CELF2: variants seen among roughly 807,000 people sequenced by gnomAD.
CELF2 encodes CUG triplet repeat RNA-binding protein 2.
A neutral mutation model predicts 62.6 loss-of-function variants in CELF2; 8 were observed. The observed-to-expected ratio is 0.13, with a 90% CI of 0.07 to 0.23. The LOEUF is 0.23. Among genes scored for constraint, CELF2 ranks in the 10% least tolerant of loss-of-function variants. The pLI is 1.00. For missense variants in CELF2, 333 were observed against 671.0 expected (o/e 0.50, Z 5.56); for synonymous variants, 258 against 250.0 (o/e 1.03, Z -0.30).
chr10:11,292,629 C>T (rs2092673002), intron 9 of CELF2, among the ~76,000 whole-genome samples: 1 of 152,174 alleles, frequency 6.6e-6, no homozygotes, highest in Non-Finnish European at 1.5e-5. Flanking sequence ...GGCAGTATCA[C>T]CAGATGGGAA....
At chr10:11,257,329 C>A (rs1406399931) in intron 4 of CELF2, among the ~76,000 whole-genome samples, 1 of 92,256 alleles carries the variant, frequency 1.1e-5, no homozygotes, top group Non-Finnish European at 2.1e-5. Context: ...GGTTAAAAGA[C>A]CATCTACAAA....
At chr10:10,613,180 A>G in the CELF2 span, among the ~76,000 whole-genome samples, 1 of 152,172 alleles carries the variant, frequency 6.6e-6, no homozygotes, top group Non-Finnish European at 1.5e-5. Flanking sequence ...AAATCATGAA[A>G]TAAATGTCAA....
the CELF2 span, among the ~76,000 whole-genome samples, chr10:10,699,641 A>G: frequency 6.6e-6 from 1 of 152,182 alleles, no homozygotes; most frequent in Non-Finnish European, 1.5e-5. Flanking sequence ...TCGCAGACAG[A>G]GGGGGATGCC....
Position 10,947,456 on chromosome 10 carries a change from G to A in CELF2, c.89+27457G>A, listed in dbSNP as rs908134344. The A allele has an allele frequency of 1.7e-4, 26 of 152,794 alleles. No individual in the cohort carries two copies. Among genetic ancestry groups the A allele is most frequent in the African/African-American group, 6.3e-4 (26 of 41,588 alleles). The allele number at this position is 152,794 out of a possible 1,614,324, so 9.5% of individuals were successfully genotyped here. A position where few individuals can be genotyped will look rare whatever the true frequency, so the allele number is the denominator to read the frequency against. ...TTGCCAAGTAATTACCTTGATTTAT[G>A]AAGGCAGGAATAGAAGGTAGCATGA... is the stretch of plus-strand genomic sequence containing the variant. On this transcript the variant is annotated intron_variant, in intron 2 of 13. Coordinates refer to the CELF2 transcript ENST00000636488. This position sits in a 1 kb window ranked among gnomAD's most constrained non-coding sequence, Gnocchi z 4.1.
chr10:11,114,666 T>G (rs75058549), intron 1 of CELF2, among the ~76,000 whole-genome samples: 107 of 152,354 alleles, frequency 7.0e-4, no homozygotes, highest in Admixed American at 1.1e-3. Context: ...TAATAAGTGA[T>G]TGTTGAGTGG....
intron 2 of CELF2, among the ~76,000 whole-genome samples, chr10:10,966,256 C>G (rs1028997949): frequency 6.6e-6 from 1 of 152,230 alleles, no homozygotes; most frequent in African/African-American, 2.4e-5. Flanking sequence ...CCCCTTTGCC[C>G]TCTCCCTTTG....
chr10:11,227,620 G>T lies in CELF2; in HGVS notation c.354+10113G>T, dbSNP rs1333937506. On this transcript the variant is annotated intron_variant, in intron 3 of 12. Coordinates refer to ENST00000633077, the MANE Select transcript of CELF2 (RefSeq NM_001326342.2). This position sits in a 1 kb window ranked among gnomAD's most constrained non-coding sequence, Gnocchi z 4.8. Reference sequence around the variant, plus strand: ...TTTGCTGTTATCTGCTGTTAGATTCGGCCGGAATCTAAGGGATAGAGATGT... The same window carrying T: ...TTTGCTGTTATCTGCTGTTAGATTCTGCCGGAATCTAAGGGATAGAGATGT... Among the ~76,000 whole-genome samples the T allele has an allele frequency of 6.6e-6, 1 of 152,122 alleles. No individual in the cohort carries two copies. The highest frequency in any genetic ancestry group is 2.4e-5 in the African/African-American group (1 of 41,408).
intron 1 of CELF2, among the ~76,000 whole-genome samples, chr10:11,109,007 G>T (rs1278275540): frequency 6.6e-6 from 1 of 152,208 alleles, no homozygotes; most frequent in Non-Finnish European, 1.5e-5. Context: ...ATCTGTCAGT[G>T]TGTACTCCTG....
chr10:11,049,450 GGGAGAGGTCAA>G (rs1278382044), intron 1 of CELF2, among the ~76,000 whole-genome samples: 1 of 146,348 alleles, frequency 6.8e-6, no homozygotes, highest in Non-Finnish European at 1.5e-5. Context: ...AAATAGATGG[GGGAGAGGTCAA>G]GGACGTAGTC....
chr10:11,308,412 A>G (rs1390147768), intron 9 of CELF2, among the ~76,000 whole-genome samples: 1 of 152,110 alleles, frequency 6.6e-6, no homozygotes, highest in Non-Finnish European at 1.5e-5. Context: ...GGTGTACCAT[A>G]TTTCTGTGAG....
At chr10:10,554,950 G>A in the CELF2 span, among the ~76,000 whole-genome samples, 68 of 152,266 alleles carry the variant, frequency 4.5e-4, 1 homozygote, top group African/African-American at 1.5e-3. Flanking sequence ...CTAGAAAGCA[G>A]AGTGTATGTA....
At chr10:11,024,430 G>A (rs1310237978) in intron 1 of CELF2, among the ~76,000 whole-genome samples, 3 of 152,134 alleles carry the variant, frequency 2.0e-5, no homozygotes, top group Non-Finnish European at 2.9e-5. Context: ...GCAAAACCCT[G>A]TGTCTACTAA....
intron 3 of CELF2, among the ~76,000 whole-genome samples, chr10:11,238,234 T>G (rs920263940): frequency 6.6e-6 from 1 of 152,224 alleles, no homozygotes; most frequent in Non-Finnish European, 1.5e-5. Flanking sequence ...TAATTTGAGC[T>G]CATTAATCAG....
intron 1 of CELF2, among the ~76,000 whole-genome samples, chr10:11,142,814 C>T (rs959153209): frequency 1.8e-4 from 28 of 151,932 alleles, no homozygotes; most frequent in Non-Finnish European, 3.5e-4. Flanking sequence ...GAAGGTAAGT[C>T]GTAAGGCCAG....
the CELF2 span, among the ~76,000 whole-genome samples, chr10:10,598,858 A>T: frequency 7.1e-4 from 104 of 145,694 alleles, no homozygotes; most frequent in African/African-American, 2.6e-3. Flanking sequence ...GGTTAAAGCA[A>T]TTCTCTGCCT....
intron 1 of CELF2, among the ~76,000 whole-genome samples, chr10:10,883,507 T>C (rs192392891): frequency 3.3e-5 from 5 of 152,182 alleles, no homozygotes; most frequent in African/African-American, 1.2e-4. Flanking sequence ...ATTTTTTCGC[T>C]GTGTGATCCC....
At chr10:10,782,819 C>T in the CELF2 span, among the ~76,000 whole-genome samples, 1 of 152,154 alleles carries the variant, frequency 6.6e-6, no homozygotes, top group Non-Finnish European at 1.5e-5. Context: ...CATCGTGCCC[C>T]CTGGTCTGTG....
At position 11,188,014 on chromosome 10, in the gene CELF2, G is replaced by A. The variant is rs540060199; in HGVS notation, c.271+22332G>A. 7.2e-5 allele frequency among the ~76,000 whole-genome samples: 11 copies of A among 152,038 alleles called. No homozygotes were observed. The South Asian group carries it at 1.7e-3, about 23-fold the overall frequency. On this transcript the variant is annotated intron_variant, in intron 2 of 12. Transcript: ENST00000633077. Reference sequence around the variant, plus strand: ...AAGGACTTCTTTTAATATTTCTTGGGCAGCCAATCATCTGGTGGTAAATCC... The same window carrying A: ...AAGGACTTCTTTTAATATTTCTTGGACAGCCAATCATCTGGTGGTAAATCC...
chr10:10,910,001 G>T (rs1038877602), intron 1 of CELF2, among the ~76,000 whole-genome samples: 3 of 152,158 alleles, frequency 2.0e-5, no homozygotes, highest in Admixed American at 6.5e-5. Flanking sequence ...GATGGATTAG[G>T]CCATTAGTCA....
Sources: gnomAD v4.1 joint callset for allele counts (sites outside exome capture counted in the v4.1 genomes callset) on GRCh38, gnomAD v4.1.1 for gene constraint, Gnocchi (gnomAD v3.1) non-coding constraint, MANE v1.5 for transcripts, NCBI Gene and HGNC (gene_info 2026-07-23, HGNC 2026-07-21) for gene names.